Variants in MACF1 observed in about 807,000 individuals in gnomAD.
MACF1 encodes microtubule-actin cross-linking factor 1.
A neutral mutation model predicts 854.8 loss-of-function variants in MACF1; 193 were observed. That is an observed-to-expected ratio of 0.23 (90% CI 0.20 to 0.25). The LOEUF (loss-of-function observed/expected upper bound fraction) is 0.25, where lower values mean the gene tolerates loss of function less well. Among genes scored for constraint, MACF1 ranks in the 10% least tolerant of loss-of-function variants. MACF1 has a pLI of 1.00. For missense variants in MACF1, 7,722 were observed against 8,929.1 expected (o/e 0.86, Z 5.45); for synonymous variants, 3,185 against 3,226.7 (o/e 0.99, Z 0.44).
intron 1 of MACF1, among the ~76,000 whole-genome samples, chr1:39,210,048 C>A (rs1481692517): frequency 1.3e-5 from 2 of 151,748 alleles, no homozygotes; most frequent in East Asian, 3.9e-4. Flanking sequence ...CAAGATTGCA[C>A]CCCTGCATTC....
At chr1:39,129,896 C>T (rs1232850278) in intron 2 of MACF1, among the ~76,000 whole-genome samples, 1 of 152,312 alleles carries the variant, frequency 6.6e-6, no homozygotes, top group South Asian at 2.1e-4. Flanking sequence ...TCCTCCTCCC[C>T]TCCCCCAAAT....
chr1:39,133,515 C>T (rs957334662), intron 2 of MACF1, among the ~76,000 whole-genome samples: 2 of 151,836 alleles, frequency 1.3e-5, no homozygotes, highest in Non-Finnish European at 2.9e-5. Flanking sequence ...TCTCCTTCCT[C>T]GTCCTCCTCC....
chr1:39,346,913 A>C, intron 40 of MACF1, 64 bp from the exon 41 acceptor site: 1 of 1,070,866 alleles, frequency 9.3e-7, no homozygotes. Context: ...GGTTTTCTTC[A>C]TGAACTGAGA....
At chr1:39,417,902 T>C (rs1299121561) in intron 58 of MACF1, among the ~76,000 whole-genome samples, 1 of 151,882 alleles carries the variant, frequency 6.6e-6, no homozygotes, top group East Asian at 1.9e-4. Context: ...GAGTACCTAC[T>C]CTGTGCCAGG....
intron 2 of MACF1, among the ~76,000 whole-genome samples, chr1:39,116,411 T>TGCAC (rs1642547599): frequency 6.7e-6 from 1 of 149,664 alleles, no homozygotes; most frequent in African/African-American, 2.5e-5. Flanking sequence ...TGTGCACGTG[T>TGCAC]GTGTGTGTAT....
At chr1:39,439,221 A>C (rs189483918) in intron 71 of MACF1, 53 bp from the exon 72 acceptor site, 79 of 1,106,364 alleles carry the variant, frequency 7.1e-5, no homozygotes, top group Non-Finnish European at 1.1e-4. Context: ...GAATAGACCA[A>C]TTTCAGGCTC....
At chr1:39,317,086 C>T (rs1646425816) in intron 28 of MACF1, 128 bp from the exon 29 acceptor site, 1 of 960,974 alleles carries the variant, frequency 1.0e-6, no homozygotes. Flanking sequence ...CTGGCACAAA[C>T]ATTCCAGGGC....
At position 39,180,513 on chromosome 1, in the gene MACF1, G is replaced by A. The variant is rs539769386; in HGVS notation, c.221-50669G>A. ...TGCCTGTAATTCCAGCTACCGGGGAGGCTGAGACAGGAGAATCGCTTGAAT... is the reference window on the plus strand; with the variant it reads ...TGCCTGTAATTCCAGCTACCGGGGAAGCTGAGACAGGAGAATCGCTTGAAT... On this transcript the variant is annotated intron_variant, in intron 2 of 93. Coordinates refer to the MACF1 transcript ENST00000361689. Among the ~76,000 whole-genome samples the A allele has an allele frequency of 2.0e-5, 3 of 152,296 alleles. No homozygotes were observed. In the East Asian group the frequency reaches 5.8e-4, roughly 29 times the overall value.
At chr1:39,483,406 C>T (rs1364843312) in intron 99 of MACF1, among the ~76,000 whole-genome samples, 1 of 152,040 alleles carries the variant, frequency 6.6e-6, no homozygotes, top group Non-Finnish European at 1.5e-5. Flanking sequence ...TCAATAGAGC[C>T]CCTGCAGGGA....
intron 1 of MACF1, among the ~76,000 whole-genome samples, chr1:39,216,059 C>T (rs1411197219): frequency 6.6e-6 from 1 of 152,030 alleles, no homozygotes; most frequent in Non-Finnish European, 1.5e-5. Flanking sequence ...GTGACTTAAC[C>T]TTTTTGGCCG....
intron 2 of MACF1, among the ~76,000 whole-genome samples, chr1:39,157,227 C>T (rs1643709749): frequency 6.6e-6 from 1 of 152,214 alleles, no homozygotes. Context: ...ACCTTACCCT[C>T]CCAAAGTATT....
Position 39,332,295 on chromosome 1 carries a change from G to A in MACF1, c.5707G>A (p.Ala1903Thr), listed in dbSNP as rs1646741385. 2.5e-6 allele frequency: 4 copies of A among 1,613,744 alleles called. No individual in the cohort carries two copies. Among genetic ancestry groups the A allele is most frequent in the Non-Finnish European group, 3.4e-6 (4 of 1,180,024 alleles). ...ATTEILSWKK[A>T]IESGILDRDL... ...CACAGAGATTTTGTCCTGGAAGAAAGCAATAGAAAGTGGTATCCTGGATAG... is the reference window on the plus strand; with the variant it reads ...CACAGAGATTTTGTCCTGGAAGAAAACAATAGAAAGTGGTATCCTGGATAG... Residue 1903 changes from alanine to threonine, a missense_variant, in exon 37 of 101, where the codon GCA becomes ACA. Ala to Thr is a moderately conservative substitution (Grantham distance 58, BLOSUM62 0). Coordinates refer to ENST00000564288, the MANE Select transcript of MACF1 (RefSeq NM_001394062.1).
At chr1:39,142,848 A>C (rs933657585) in intron 2 of MACF1, among the ~76,000 whole-genome samples, 1 of 152,166 alleles carries the variant, frequency 6.6e-6, no homozygotes, top group East Asian at 1.9e-4. Context: ...TCTTGGCATA[A>C]TGCACTGTTG....
In MACF1 at chr1:39,452,218, A is replaced by C; in HGVS notation, c.20481A>C (p.Arg6827=). The stretch of plus-strand genomic sequence containing the variant: ...TTCAGGTCCTGAAGCGGTCAGGCCG[A>C]GAGCTGATTGAGAATAGTCGAGATG... ...GTVQVLKRSG[R]ELIENSRDDT... The change falls in exon 86 of 101, where the codon CGA becomes CGC. Residue 6827 remains arginine (R), a synonymous_variant. Transcript: ENST00000564288. 1.2e-6 allele frequency: 2 copies of C among 1,614,222 alleles called. No individual in the cohort carries two copies. The highest frequency in any genetic ancestry group is 1.7e-6 in the Non-Finnish European group (2 of 1,180,032).
chr1:39,301,723 C>T (rs1053093802), intron 22 of MACF1, among the ~76,000 whole-genome samples: 3 of 152,026 alleles, frequency 2.0e-5, no homozygotes, highest in Admixed American at 6.5e-5. Context: ...CTGCGCCCAG[C>T]GTTTGTTTGT....
At chr1:39,249,722 A>G in intron 2 of MACF1, 1 of 240,916 alleles carries the variant, frequency 4.2e-6, no homozygotes, top group Non-Finnish European at 8.1e-6. Context: ...ATGTCTCAGG[A>G]TAATTAAGAC....
At chr1:39,363,825 G>A (rs1252912066) in intron 49 of MACF1, among the ~76,000 whole-genome samples, 6 of 151,904 alleles carry the variant, frequency 3.9e-5, no homozygotes, top group Non-Finnish European at 1.5e-5. Flanking sequence ...ATGTTGGCCA[G>A]GATCTCAAAC....
chr1:39,477,072 TATATATATATATATATATACACAC>T (rs1241379507), intron 97 of MACF1, among the ~76,000 whole-genome samples: 8 of 54,118 alleles, frequency 1.5e-4, no homozygotes, highest in African/African-American at 6.8e-4. Flanking sequence ...TATATATATA[TATATATATATATATATATACACAC>T]ACACACATAT....
At position 39,485,590 on chromosome 1, in the gene MACF1, G is replaced by T. The variant is rs201273333; in HGVS notation, c.22464G>T (p.Gly7488=). 1.1e-4 allele frequency: 170 copies of T among 1,614,082 alleles called. No homozygotes were observed. Among genetic ancestry groups the T allele is most frequent in the Admixed American group, 1.7e-4 (10 of 60,010 alleles). Residue 7488 remains glycine (G), a synonymous_variant, in exon 101 of 101, where the codon GGG becomes GGT. Transcript: ENST00000564288. The part of the protein sequence containing the change: ...RPGSRAGSRA[G]SRASSRRGSD... ...GGAGTCGGGCTGGGAGTCGAGCCGG[G>T]AGTCGAGCCAGCAGCCGGCGAGGAA...
Sources: allele counts gnomAD v4.1 joint callset (sites outside exome capture counted in the v4.1 genomes callset), GRCh38; gene constraint gnomAD v4.1.1; transcripts MANE v1.5; gene names NCBI Gene and HGNC (gene_info 2026-07-23, HGNC 2026-07-21).